Variants in TRPM4 observed in about 807,000 individuals in gnomAD.
The protein encoded by TRPM4 is transient receptor potential cation channel subfamily M member 4.
In TRPM4, 124 loss-of-function variants were observed where a neutral mutation model predicts 135.6. The observed-to-expected ratio is 0.91, with a 90% CI of 0.79 to 1.06. The LOEUF (loss-of-function observed/expected upper bound fraction) is 1.06, where lower values mean the gene tolerates loss of function less well. Among genes scored for constraint, TRPM4 ranks in the 50% least tolerant of loss-of-function variants. The pLI, the probability that TRPM4 is intolerant of heterozygous loss-of-function variation, is 0.00. For synonymous variants in TRPM4, 745 were observed against 705.6 expected (o/e 1.06, Z -0.88); for missense variants, 1,658 against 1,671.4 (o/e 0.99, Z 0.14).
At chr19:49,184,659 T>G (rs1050284849) in intron 12 of TRPM4, among the ~76,000 whole-genome samples, 2 of 151,768 alleles carry the variant, frequency 1.3e-5, no homozygotes, top group African/African-American at 4.8e-5. Context: ...TTTTTGTATT[T>G]TTTTAGAGAC....
At chr19:49,158,844 C>T (rs1017827685) in intron 2 of TRPM4, 5 of 154,216 alleles carry the variant, frequency 3.2e-5, no homozygotes, top group Non-Finnish European at 7.2e-5. Context: ...ATTCCTGGCA[C>T]AGCGCCCAGC....
chr19:49,170,241 T>G (rs1449025293), intron 6 of TRPM4, among the ~76,000 whole-genome samples: 1 of 152,114 alleles, frequency 6.6e-6, no homozygotes, highest in Admixed American at 6.6e-5. Context: ...CAGGCTGGAG[T>G]GCAGTGGCGT....
intron 12 of TRPM4, among the ~76,000 whole-genome samples, chr19:49,184,850 T>C (rs1003187174): frequency 6.6e-6 from 1 of 151,664 alleles, no homozygotes; most frequent in African/African-American, 2.4e-5. Context: ...CCATTCTCAA[T>C]CTCTTCTACA....
Position 49,211,465 on chromosome 19 carries a change from C to G in TRPM4, c.3641-29C>G, listed in dbSNP as rs747675696. 5 of 1,613,856 alleles carry G rather than the reference C, an allele frequency of 3.1e-6. No individual in the cohort carries two copies. The African/African-American group carries it at 5.3e-5, about 17-fold the overall frequency. On this transcript the variant is annotated intron_variant, in intron 24 of 24. Transcript: ENST00000252826. This position sits in a 1 kb window ranked among gnomAD's most constrained non-coding sequence, Gnocchi z 4.8. ...TGTCTCTCCCCTTCCCTGCCAATCACCTGCTCTCTCTTTTCTCTCTTCCCC... is the reference window on the plus strand; with the variant it reads ...TGTCTCTCCCCTTCCCTGCCAATCAGCTGCTCTCTCTTTTCTCTCTTCCCC...
intron 12 of TRPM4, among the ~76,000 whole-genome samples, chr19:49,184,537 T>A (rs989697212): frequency 7.3e-6 from 1 of 137,426 alleles, no homozygotes; most frequent in Non-Finnish European, 1.5e-5. Flanking sequence ...CTCCGCTCAC[T>A]GCAAGCTCTG....
chr19:49,184,452 C>CT (rs67748057), intron 12 of TRPM4, among the ~76,000 whole-genome samples: 8,477 of 45,524 alleles, frequency 0.19, 2,973 homozygotes, highest in Non-Finnish European at 0.22. Flanking sequence ...TCTCTGTAGT[C>CT]TTTTTTTTTT....
At chr19:49,184,031 G>A (rs1253271527) in intron 12 of TRPM4, among the ~76,000 whole-genome samples, 1 of 152,112 alleles carries the variant, frequency 6.6e-6, no homozygotes, top group Admixed American at 6.5e-5. Flanking sequence ...GAAGTGCTGG[G>A]ATTACAGGCG....
chr19:49,189,615 G>A (rs991410884), intron 14 of TRPM4, among the ~76,000 whole-genome samples: 1 of 150,978 alleles, frequency 6.6e-6, no homozygotes, highest in Non-Finnish European at 1.5e-5. Context: ...CATCTGCCTT[G>A]GGAAGCCCTA....
chr19:49,168,445 A>G (rs1967318436), intron 5 of TRPM4, 22 bp downstream of exon 5: 1 of 1,613,862 alleles, frequency 6.2e-7, no homozygotes, highest in Non-Finnish European at 8.5e-7. Flanking sequence ...GGACTTGGAA[A>G]AGGGGGCTGG....
rs1288226627 is a variant in TRPM4 at position 49,182,877 on chromosome 19, C to T, written c.1563C>T (p.Ser521=). 6.2e-7 allele frequency: 1 copy of T among 1,604,842 alleles called. No individual in the cohort carries two copies. The highest frequency in any genetic ancestry group is 1.1e-5 in the South Asian group (1 of 90,310). The change falls in exon 11 of 25, where the codon TCC becomes TCT. Residue 521 remains serine (S), a synonymous_variant. Coordinates refer to ENST00000252826, the MANE Select transcript of TRPM4 (RefSeq NM_017636.4). ...AGATGTGCGCGCCGAGGTACCCCTC[C>T]GGGGGCGCCTGGGACCCTCACCCAG... ...LGKMCAPRYP[S]GGAWDPHPGQ...
At chr19:49,200,495 A>C in intron 18 of TRPM4, 63 bp downstream of exon 18, 5 of 1,546,826 alleles carry the variant, frequency 3.2e-6, no homozygotes, top group East Asian at 2.4e-5. Context: ...CCAGGGAGGG[A>C]GTGGTCCGTG....
At position 49,188,967 on chromosome 19, in the gene TRPM4, G is replaced by A. The variant is rs751491792; in HGVS notation, c.1895G>A (p.Arg632His). The A allele has an allele frequency of 6.8e-6, 11 of 1,613,934 alleles. No homozygotes were observed. The highest frequency in any genetic ancestry group is 4.0e-5 in the African/African-American group (3 of 74,906). The change falls in exon 14 of 25, where the codon CGC (arginine) becomes CAC (histidine). Residue 632 changes from arginine to histidine, a missense_variant. Arg to His is a conservative substitution (Grantham distance 29, BLOSUM62 0). This residue lies in a region of TRPM4 where 1,412 missense variants were observed against 1,408.7 expected (regional missense o/e 1.00). Coordinates refer to ENST00000252826, the MANE Select transcript of TRPM4 (RefSeq NM_017636.4). Reference sequence around the variant, plus strand: ...CCAGACCTCTTTGGCGAGTGCTATCGCAGCAGTGAGGTGAGGGCTGCCCGC... The same window carrying A: ...CCAGACCTCTTTGGCGAGTGCTATCACAGCAGTGAGGTGAGGGCTGCCCGC... Reference protein sequence around the residue: ...MGVDLFGECYRSSEVRAARLL... With the variant: ...MGVDLFGECYHSSEVRAARLL...
At chr19:49,203,346 A>AT (rs1270939953) in intron 20 of TRPM4, among the ~76,000 whole-genome samples, 45 of 142,044 alleles carry the variant, frequency 3.2e-4, no homozygotes, top group African/African-American at 8.7e-4. Flanking sequence ...CACCTGGCTA[A>AT]TTTTTTGTAT....
chr19:49,197,342 T>G (rs192568503), intron 17 of TRPM4, among the ~76,000 whole-genome samples: 1 of 129,634 alleles, frequency 7.7e-6, no homozygotes, highest in South Asian at 2.2e-4. Context: ...CTTTCTTTCT[T>G]TCTTTCTTTC....
At chr19:49,196,938 C>T (rs1968678749) in intron 17 of TRPM4, 64 bp downstream of exon 17, 4 of 1,470,618 alleles carry the variant, frequency 2.7e-6, no homozygotes, top group Admixed American at 2.2e-5. Context: ...TGCCCACTCC[C>T]GGGGTCTCCA....
chr19:49,195,691 T>C (rs893390541), intron 16 of TRPM4, among the ~76,000 whole-genome samples: 5 of 149,806 alleles, frequency 3.3e-5, no homozygotes, highest in Non-Finnish European at 5.9e-5. Flanking sequence ...TAATTTTTTT[T>C]TTTTTTTTTT....
Position 49,211,414 on chromosome 19 carries a change from C to T in TRPM4, c.3641-80C>T. The T allele has an allele frequency of 7.5e-6, 12 of 1,607,848 alleles. No homozygotes were observed. The highest frequency in any genetic ancestry group is 8.5e-6 in the Non-Finnish European group (10 of 1,176,052). ...TTGTACTCTCGCCTTCGTCTTTCTT[C>T]TTTTTTGCCAGTCTCCCAGTTTTTC... On this transcript the variant is annotated intron_variant, in intron 24 of 24. Coordinates refer to ENST00000252826, the MANE Select transcript of TRPM4 (RefSeq NM_017636.4). The surrounding 1 kb of genome is among the most constrained non-coding windows in gnomAD (Gnocchi z 4.8).
rs1053476352 is a variant in TRPM4 at position 49,211,094 on chromosome 19, C to A, written c.3534+7C>A. On this transcript the variant is annotated splice_region_variant and intron_variant, in intron 23 of 24. Transcript: ENST00000252826. This position sits in a 1 kb window ranked among gnomAD's most constrained non-coding sequence, Gnocchi z 4.8. Reference sequence around the variant, plus strand: ...GAAAGTGCTGGAGCGGGAGGTGAGGCCTTGGGGCCTGGCTGGGGGACTGTG... The same window carrying A: ...GAAAGTGCTGGAGCGGGAGGTGAGGACTTGGGGCCTGGCTGGGGGACTGTG... 6.2e-7 allele frequency: 1 copy of A among 1,613,776 alleles called. No homozygotes were observed. Among genetic ancestry groups the A allele is most frequent in the Non-Finnish European group, 8.5e-7 (1 of 1,179,936 alleles).
chr19:49,203,142 T>G (rs541844365), intron 20 of TRPM4, among the ~76,000 whole-genome samples: 1 of 150,250 alleles, frequency 6.7e-6, no homozygotes, highest in Non-Finnish European at 1.5e-5. Context: ...CCACCCGCCT[T>G]GGCCTCCCAA....
Sources: gnomAD v4.1 joint callset for allele counts (sites outside exome capture counted in the v4.1 genomes callset) on GRCh38, gnomAD v4.1.1 for gene constraint, gnomAD v4.1.1 regional missense constraint, Gnocchi (gnomAD v3.1) non-coding constraint, MANE v1.5 for transcripts, NCBI Gene and HGNC (gene_info 2026-07-23, HGNC 2026-07-21) for gene names.